The following ITGAE variants were observed in gnomAD, a reference collection of about 807,000 sequenced individuals.
ITGAE encodes integrin alpha-E.
Under a neutral mutation model 136.5 loss-of-function variants are expected in ITGAE, and 99 were observed. The observed-to-expected ratio is 0.73, with a 90% CI of 0.62 to 0.86. The LOEUF (loss-of-function observed/expected upper bound fraction) is 0.86, where lower values mean the gene tolerates loss of function less well. ITGAE is among the 40% of genes least tolerant of loss of function. The pLI, the probability that ITGAE is intolerant of heterozygous loss-of-function variation, is 0.00. For synonymous variants in ITGAE, 613 were observed against 591.8 expected (o/e 1.04, Z -0.52); for missense variants, 1,447 against 1,515.3 (o/e 0.95, Z 0.75).
chr17:3,792,654 C>T (rs1428702701), intron 1 of ITGAE, among the ~76,000 whole-genome samples: 1 of 152,178 alleles, frequency 6.6e-6, no homozygotes, highest in Non-Finnish European at 1.5e-5. Flanking sequence ...TCACGTGCCC[C>T]ACTGTTGGCT....
chr17:3,795,852 T>C (rs922647387), intron 1 of ITGAE, among the ~76,000 whole-genome samples: 45 of 150,926 alleles, frequency 3.0e-4, no homozygotes, highest in Admixed American at 6.6e-5. Flanking sequence ...TGCATCTGTG[T>C]GTGTGCATCC....
intron 7 of ITGAE, 119 bp from the exon 8 acceptor site, chr17:3,759,672 G>T: frequency 7.9e-7 from 1 of 1,262,298 alleles, no homozygotes; most frequent in Non-Finnish European, 1.1e-6. Context: ...TGGGCAGAAA[G>T]AGATGCTAAG....
In ITGAE at chr17:3,729,488, C is replaced by T. The variant is rs1289820903; in HGVS notation, c.2902G>A (p.Val968Ile). Residue 968 changes from valine (V) to isoleucine (I), a missense_variant, in exon 24 of 31, where the codon GTT becomes ATT. By Grantham distance (29) the Val-to-Ile change is conservative (BLOSUM62 3). This residue lies in a region of ITGAE where 1,031 missense variants were observed against 1,011.4 expected (regional missense o/e 1.02). Coordinates refer to ENST00000263087, the MANE Select transcript of ITGAE (RefSeq NM_002208.5). ...TLQFRHGFVA[V>I]LSKPSIMYVN... ...CTTGGGAGTACTCACTTGGACAGAACTGCAACGAAGCCATGCCTGAATTGA... is the reference window on the plus strand; with the variant it reads ...CTTGGGAGTACTCACTTGGACAGAATTGCAACGAAGCCATGCCTGAATTGA... 9.3e-6 allele frequency: 15 copies of T among 1,609,340 alleles called. No homozygotes were observed. Among genetic ancestry groups the T allele is most frequent in the Non-Finnish European group, 1.2e-5 (14 of 1,175,666 alleles).
At chr17:3,728,795 G>A (rs2051275286) in intron 24 of ITGAE, among the ~76,000 whole-genome samples, 1 of 151,350 alleles carries the variant, frequency 6.6e-6, no homozygotes, top group Non-Finnish European at 1.5e-5. Flanking sequence ...ACTTTGGGAG[G>A]CCGAGGCAGG....
intron 26 of ITGAE, chr17:3,725,083 A>G: frequency 6.2e-7 from 1 of 1,614,212 alleles, no homozygotes; most frequent in South Asian, 1.1e-5. Flanking sequence ...TTTTGGACCA[A>G]AACCAGGGCT....
chr17:3,785,976 G>T (rs2052784955), intron 1 of ITGAE, among the ~76,000 whole-genome samples: 1 of 151,976 alleles, frequency 6.6e-6, no homozygotes, highest in African/African-American at 2.4e-5. Flanking sequence ...GACCGTCCTG[G>T]CTAACACGGT....
intron 26 of ITGAE, chr17:3,725,672 C>T: frequency 6.3e-7 from 1 of 1,590,168 alleles, no homozygotes; most frequent in Admixed American, 1.8e-5. Context: ...CCTGGGATCA[C>T]TATAATTCAA....
rs140743654 is a variant in ITGAE, at chr17:3,727,926, C to G, written c.3077G>C (p.Arg1026Thr). Residue 1026 changes from arginine to threonine, a missense_variant, in exon 26 of 31, where the codon AGG (arginine) becomes ACG (threonine). Arg to Thr is a moderately conservative substitution (Grantham distance 71, BLOSUM62 -1). Around this residue, in one of 3 missense-constraint regions of ITGAE, gnomAD observed 1,031 missense variants for 1,011.4 expected, o/e 1.02. Transcript: ENST00000263087. ...AGAACTGCCTTTAAATACCTGAGTCCTCGTCAGCTTCTTCACTGCTACAAC... is the reference window on the plus strand; with the variant it reads ...AGAACTGCCTTTAAATACCTGAGTCGTCGTCAGCTTCTTCACTGCTACAAC... ...LQVVAVKKLT[R>T]TQASTVCTWS... 8.1e-6 allele frequency: 13 copies of G among 1,608,152 alleles called. No individual in the cohort carries two copies. Among genetic ancestry groups the G allele is most frequent in the Non-Finnish European group, 1.1e-5 (13 of 1,174,766 alleles).
chr17:3,734,041 G>C (rs1374508561), intron 21 of ITGAE, among the ~76,000 whole-genome samples: 1 of 152,178 alleles, frequency 6.6e-6, no homozygotes, highest in Non-Finnish European at 1.5e-5. Context: ...CATAATTACC[G>C]ACGTAACTAC....
intron 12 of ITGAE, 126 bp from the exon 13 acceptor site, chr17:3,754,051 G>A: frequency 9.5e-7 from 1 of 1,052,324 alleles, no homozygotes; most frequent in Non-Finnish European, 1.4e-6. Flanking sequence ...AGGAGAGACT[G>A]TCTTTCTCAC....
At chr17:3,783,814 TAGG>T (rs1485908091) in intron 1 of ITGAE, among the ~76,000 whole-genome samples, 1 of 152,230 alleles carries the variant, frequency 6.6e-6, no homozygotes, top group African/African-American at 2.4e-5. Flanking sequence ...TTTGATTCAC[TAGG>T]AAGATGTGAC....
At chr17:3,777,499 C>A (rs2052571096) in intron 2 of ITGAE, 41 bp downstream of exon 2, 6 of 1,562,296 alleles carry the variant, frequency 3.8e-6, no homozygotes, top group Non-Finnish European at 5.2e-6. Context: ...TGCCTGGAAG[C>A]CCCTCAGTCT....
chr17:3,753,174 C>A, intron 14 of ITGAE, 116 bp downstream of exon 14: 1 of 1,168,130 alleles, frequency 8.6e-7, no homozygotes, highest in Non-Finnish European at 1.2e-6. Flanking sequence ...CTGAGCACCT[C>A]CCCATCACTG....
In ITGAE at chr17:3,714,732, T is replaced by G; in HGVS notation, c.*115A>C. 1.7e-6 allele frequency: 1 copy of G among 601,600 alleles called. No individual in the cohort carries two copies. The highest frequency in any genetic ancestry group is 2.9e-6 in the Non-Finnish European group (1 of 340,734). 37.3% of individuals were successfully genotyped at this position (601,600 alleles called of 1,614,324 possible). A position where few individuals can be genotyped will look rare whatever the true frequency, so the allele number is the denominator to read the frequency against. On this transcript the variant is annotated 3_prime_UTR_variant, in exon 31 of 31. Transcript: ENST00000263087. ...ACAATGTATGGTTAAAAACTAATAT[T>G]CTACCAACAGCTCCATGCTGCTCTA...
chr17:3,764,620 C>G (rs1037675594), intron 2 of ITGAE, among the ~76,000 whole-genome samples: 7 of 152,090 alleles, frequency 4.6e-5, no homozygotes, highest in Admixed American at 3.3e-4. Context: ...TTGCTTGAAC[C>G]TGGGAGGCAG....
At chr17:3,796,083 G>A (rs1203978204) in intron 1 of ITGAE, among the ~76,000 whole-genome samples, 1 of 134,722 alleles carries the variant, frequency 7.4e-6, no homozygotes, top group African/African-American at 2.8e-5. Flanking sequence ...GTGCATCCCT[G>A]TGTATGCATC....
At position 3,755,233 on chromosome 17, in the gene ITGAE, GC is replaced by G; in HGVS notation, c.1267del (p.Ala423ProfsTer21). The G allele has an allele frequency of 1.3e-6, 2 of 1,577,616 alleles. No homozygotes were observed. ...ERQVLLGAVG[A>X]FDWSGGALLY... is the part of the protein sequence containing the mutation. ...CAACGCCCCTCCGGACCAGTCAAAG[GC>G]CCCGACGGCGCCGAGCAGCACCTGC... is the stretch of plus-strand genomic sequence containing the variant. On this transcript the variant is annotated frameshift_variant, in exon 12 of 31. Transcript: ENST00000263087. LOFTEE classifies it high-confidence loss of function.
At chr17:3,789,091 T>A (rs2052874894) in intron 1 of ITGAE, among the ~76,000 whole-genome samples, 1 of 151,354 alleles carries the variant, frequency 6.6e-6, no homozygotes, top group Non-Finnish European at 1.5e-5. Flanking sequence ...ACAAAAAAAT[T>A]AAAAAATTAG....
chr17:3,745,920 G>T lies in ITGAE; in HGVS notation c.2163C>A (p.Arg721=), dbSNP rs1183610. The T allele has an allele frequency of 6.2e-7, 1 of 1,613,320 alleles. No homozygotes were observed. Among genetic ancestry groups the T allele is most frequent in the Non-Finnish European group, 8.5e-7 (1 of 1,179,768 alleles). The change falls in exon 18 of 31, where the codon CGC becomes CGA. Residue 721 remains arginine, a synonymous_variant. Coordinates refer to ENST00000263087, the MANE Select transcript of ITGAE (RefSeq NM_002208.5). ...SVTTASESGL[R]EALLNFTLDV... ...CCAGCGTGAAGTTGAGAAGTGCCTC[G>T]CGGAGGCCTGGGAATGAAGACCAGA...
Sources: allele counts gnomAD v4.1 joint callset (sites outside exome capture counted in the v4.1 genomes callset), GRCh38; gene constraint gnomAD v4.1.1; regional missense constraint gnomAD v4.1.1; transcripts MANE v1.5; gene names NCBI Gene and HGNC (gene_info 2026-07-23, HGNC 2026-07-21).